KIRREL3: variants seen among roughly 807,000 people sequenced by gnomAD.
KIRREL3 encodes the protein kirre like nephrin family adhesion molecule 3, also known as kin of IRRE-like protein 3.
Under a neutral mutation model 89.7 loss-of-function variants are expected in KIRREL3, and 36 were observed. The observed-to-expected ratio is 0.40, with a 90% CI of 0.31 to 0.53. KIRREL3 has a LOEUF of 0.53. Ranked by LOEUF, KIRREL3 falls within the 20% of genes least tolerant of loss-of-function variation. The probability of loss-of-function intolerance (pLI) is 0.49; values close to 1 mark genes in which losing one functional copy is unlikely to be tolerated. For missense variants in KIRREL3, 864 were observed against 1,056.6 expected (o/e 0.82, Z 2.53); for synonymous variants, 445 against 441.4 (o/e 1.01, Z -0.10).
intron 1 of KIRREL3, among the ~76,000 whole-genome samples, chr11:126,847,837 G>A (rs1282084669): frequency 6.6e-6 from 1 of 152,176 alleles, no homozygotes. Context: ...GAATTTGGAA[G>A]TTACTCGTGT....
intron 1 of KIRREL3, among the ~76,000 whole-genome samples, chr11:126,813,930 A>G (rs1951475501): frequency 6.6e-6 from 1 of 152,246 alleles, no homozygotes; most frequent in Admixed American, 6.5e-5. Flanking sequence ...AATTAAACTC[A>G]AGAGCTTCTG....
intron 4 of KIRREL3, among the ~76,000 whole-genome samples, chr11:126,478,053 G>C (rs1036156865): frequency 2.0e-5 from 3 of 152,182 alleles, no homozygotes; most frequent in Admixed American, 2.0e-4. Flanking sequence ...TACGGCCCTC[G>C]CTGCCCCTGG....
chr11:126,553,929 C>G lies in KIRREL3; in HGVS notation c.133+8906G>C, dbSNP rs80106917. 6.6e-6 allele frequency among the ~76,000 whole-genome samples: 1 copy of G among 152,182 alleles called. No individual in the cohort carries two copies. Among genetic ancestry groups the G allele is most frequent in the Non-Finnish European group, 1.5e-5 (1 of 68,044 alleles). ...CTTGTCTGATCAAAGTAGTAACCTT[C>G]GAAACAGGTTGGTGTCCATTCACAT... On this transcript the variant is annotated intron_variant, in intron 2 of 16. Coordinates refer to ENST00000525144, the MANE Select transcript of KIRREL3 (RefSeq NM_032531.4). This position sits in a 1 kb window ranked among gnomAD's most constrained non-coding sequence, Gnocchi z 4.7.
rs575465914 is a variant in KIRREL3, at chr11:126,812,490, G to T, written c.55+187965C>A. On this transcript the variant is annotated intron_variant, in intron 1 of 16. Coordinates refer to ENST00000525144, the MANE Select transcript of KIRREL3 (RefSeq NM_032531.4). This position sits in a 1 kb window ranked among gnomAD's most constrained non-coding sequence, Gnocchi z 5.2. ...ACCCTGAGCATCTTTCCCATGAAAGGCAAGACAGATGCACACGAGTCAGTT... is the reference window on the plus strand; with the variant it reads ...ACCCTGAGCATCTTTCCCATGAAAGTCAAGACAGATGCACACGAGTCAGTT... 6.6e-6 allele frequency among the ~76,000 whole-genome samples: 1 copy of T among 152,258 alleles called. No homozygotes were observed. Among genetic ancestry groups the T allele is most frequent in the Non-Finnish European group, 1.5e-5 (1 of 68,014 alleles).
chr11:126,878,796 T>C (rs1945388347), intron 1 of KIRREL3, among the ~76,000 whole-genome samples: 1 of 152,088 alleles, frequency 6.6e-6, no homozygotes, highest in Non-Finnish European at 1.5e-5. Context: ...GTTCAGCATA[T>C]ATCCATATTA....
intron 4 of KIRREL3, among the ~76,000 whole-genome samples, chr11:126,497,436 G>A (rs547020653): frequency 3.9e-5 from 6 of 152,278 alleles, no homozygotes; most frequent in African/African-American, 1.2e-4. Context: ...AGGCCTTTCC[G>A]GTAATTTGAG....
Position 126,814,646 on chromosome 11 carries a change from T to A in KIRREL3, c.55+185809A>T, listed in dbSNP as rs534886685. 6.6e-6 allele frequency among the ~76,000 whole-genome samples: 1 copy of A among 152,304 alleles called. No homozygotes were observed. Among genetic ancestry groups the A allele is most frequent in the South Asian group, 2.1e-4 (1 of 4,824 alleles). ...ACATGGATGGAGCTGGAAGCCATTA[T>A]CCTCAGTAAACTAACACAGGAACAG... On this transcript the variant is annotated intron_variant, in intron 1 of 16. Coordinates refer to ENST00000525144, the MANE Select transcript of KIRREL3 (RefSeq NM_032531.4). This position sits in a 1 kb window ranked among gnomAD's most constrained non-coding sequence, Gnocchi z 4.4.
At chr11:126,963,029 G>A (rs1949143774) in intron 1 of KIRREL3, among the ~76,000 whole-genome samples, 2 of 151,986 alleles carry the variant, frequency 1.3e-5, no homozygotes, top group African/African-American at 4.8e-5. Flanking sequence ...TATACGCACT[G>A]GGAAACAAAA....
chr11:126,438,434 G>A (rs1786308896), intron 11 of KIRREL3, among the ~76,000 whole-genome samples: 2 of 152,204 alleles, frequency 1.3e-5, no homozygotes, highest in Non-Finnish European at 2.9e-5. Context: ...CCCATTCCTG[G>A]CCGTGGGGCT....
Position 126,740,017 on chromosome 11 carries a change from A to C in KIRREL3, c.56-177105T>G. On this transcript the variant is annotated intron_variant, in intron 1 of 16. Coordinates refer to ENST00000525144, the MANE Select transcript of KIRREL3 (RefSeq NM_032531.4). This position sits in a 1 kb window ranked among gnomAD's most constrained non-coding sequence, Gnocchi z 6.0. ...CATGACTCACTGGAGGGTAGGGTGTATGGAGGGAGGGGGCAGAGAAAGAAA... is the reference window on the plus strand; with the variant it reads ...CATGACTCACTGGAGGGTAGGGTGTCTGGAGGGAGGGGGCAGAGAAAGAAA... Among the ~76,000 whole-genome samples the C allele has an allele frequency of 6.6e-6, 1 of 152,156 alleles. No homozygotes were observed. The highest frequency in any genetic ancestry group is 1.5e-5 in the Non-Finnish European group (1 of 68,030).
intron 1 of KIRREL3, among the ~76,000 whole-genome samples, chr11:126,757,866 G>A (rs368324273): frequency 2.6e-5 from 4 of 152,218 alleles, no homozygotes; most frequent in East Asian, 1.9e-4. Context: ...TGTACATTGA[G>A]ATACTAGACC....
At chr11:126,803,167 G>C (rs1473641137) in intron 1 of KIRREL3, among the ~76,000 whole-genome samples, 1 of 152,194 alleles carries the variant, frequency 6.6e-6, no homozygotes, top group Non-Finnish European at 1.5e-5. Context: ...CGCAACATAT[G>C]CTCCAGCAGT....
chr11:126,902,629 C>T (rs777059208), intron 1 of KIRREL3, among the ~76,000 whole-genome samples: 2 of 152,140 alleles, frequency 1.3e-5, no homozygotes, highest in South Asian at 2.1e-4. Flanking sequence ...GAGAAGTGTG[C>T]GTCAAAGTCC....
intron 2 of KIRREL3, among the ~76,000 whole-genome samples, chr11:126,552,964 T>C (rs1939407150): frequency 6.6e-6 from 1 of 152,160 alleles, no homozygotes; most frequent in African/African-American, 2.4e-5. Flanking sequence ...TTATCTAGCA[T>C]CCTTCCCACA....
chr11:126,618,767 T>C (rs920250792), intron 1 of KIRREL3, among the ~76,000 whole-genome samples: 12 of 152,192 alleles, frequency 7.9e-5, no homozygotes, highest in Non-Finnish European at 4.4e-5. Flanking sequence ...AACAACCTAA[T>C]ACACTCACCC....
chr11:126,950,144 C>G (rs971623201), intron 1 of KIRREL3, among the ~76,000 whole-genome samples: 15 of 152,110 alleles, frequency 9.9e-5, no homozygotes, highest in African/African-American at 3.6e-4. Context: ...GAGGCCGAGG[C>G]AGGTGGATCA....
chr11:126,782,231 T>C lies in KIRREL3; in HGVS notation c.55+218224A>G, dbSNP rs935372229. Among the ~76,000 whole-genome samples, 1 of 152,166 alleles carries C rather than the reference T, an allele frequency of 6.6e-6. No homozygotes were observed. The highest frequency in any genetic ancestry group is 1.5e-5 in the Non-Finnish European group (1 of 68,022). On this transcript the variant is annotated intron_variant, in intron 1 of 16. Coordinates refer to ENST00000525144, the MANE Select transcript of KIRREL3 (RefSeq NM_032531.4). The surrounding 1 kb of genome is among the most constrained non-coding windows in gnomAD (Gnocchi z 4.1). Reference sequence around the variant, plus strand: ...TCTAGAGGCCACGAGTTCAAAATGATAAAGCTAAAAGTTGAAGAGGGCTGC... The same window carrying C: ...TCTAGAGGCCACGAGTTCAAAATGACAAAGCTAAAAGTTGAAGAGGGCTGC...
chr11:126,923,633 G>A (rs111964706), intron 1 of KIRREL3, among the ~76,000 whole-genome samples: 10,911 of 151,756 alleles, frequency 0.072, 480 homozygotes, highest in Middle Eastern at 0.12. Flanking sequence ...TAGTAGAGAT[G>A]GGGTTTCACC....
At position 126,997,998 on chromosome 11, in the gene KIRREL3, G is replaced by A. The variant is rs563707660; in HGVS notation, c.55+2457C>T. Among the ~76,000 whole-genome samples, 1 of 152,224 alleles carries A rather than the reference G, an allele frequency of 6.6e-6. No homozygotes were observed. The highest frequency in any genetic ancestry group is 6.5e-5 in the Admixed American group (1 of 15,302). On this transcript the variant is annotated intron_variant, in intron 1 of 16. Coordinates refer to ENST00000525144, the MANE Select transcript of KIRREL3 (RefSeq NM_032531.4). The surrounding 1 kb of genome is among the most constrained non-coding windows in gnomAD (Gnocchi z 4.3). ...GCAGGTGGCTGTGTGAGGGTGCCGG[G>A]TGGGGGGGTGTAACCTCAGGCCTCA...
Sources: gnomAD v4.1 joint callset for allele counts (sites outside exome capture counted in the v4.1 genomes callset) on GRCh38, gnomAD v4.1.1 for gene constraint, Gnocchi (gnomAD v3.1) non-coding constraint, MANE v1.5 for transcripts, NCBI Gene and HGNC (gene_info 2026-07-23, HGNC 2026-07-21) for gene names.